Variants in SLCO2B1 observed in about 807,000 individuals in gnomAD.
SLCO2B1 encodes solute carrier organic anion transporter family member 2B1, also known as OATP-RP2.
A neutral mutation model predicts 67.3 loss-of-function variants in SLCO2B1; 41 were observed. That is an observed-to-expected ratio of 0.61 (90% confidence interval 0.47 to 0.79). SLCO2B1 has a LOEUF of 0.79. SLCO2B1 is among the 30% of genes least tolerant of loss of function. The pLI, the probability that SLCO2B1 is intolerant of heterozygous loss-of-function variation, is 0.00. For missense variants in SLCO2B1, 837 were observed against 920.1 expected, an observed-to-expected ratio of 0.91 and a Z score of 1.17; for synonymous variants, 379 against 381.4, an observed-to-expected ratio of 0.99 and a Z score of 0.07.
At chr11:75,159,446 C>T (rs1591808197) in intron 1 of SLCO2B1, among the ~76,000 whole-genome samples, 2 of 152,260 alleles carry the variant, frequency 1.3e-5, no homozygotes, top group East Asian at 1.9e-4. Context: ...GCCGTCCCAT[C>T]CTCCTGTCAG....
intron 4 of SLCO2B1, among the ~76,000 whole-genome samples, chr11:75,167,976 C>A (rs963345820): frequency 6.7e-6 from 1 of 149,790 alleles, no homozygotes; most frequent in African/African-American, 2.4e-5. Context: ...TCACTGCAAC[C>A]CCTGCCTCCC....
chr11:75,204,496 C>A lies in SLCO2B1; in HGVS notation c.2046C>A (p.Thr682=), dbSNP rs761315902. Reference sequence around the variant, plus strand: ...GGCAGCAGGACAAAGAGGCAAGGACCAAAGAGAGCAGATCCAGCCCTGCCG... The same window carrying A: ...GGCAGCAGGACAAAGAGGCAAGGACAAAAGAGAGCAGATCCAGCCCTGCCG... ...VLRQQDKEAR[T]KESRSSPAVE... is the part of the protein sequence containing the mutation. Residue 682 remains threonine, a synonymous_variant, in exon 14 of 14, where the codon ACC becomes ACA. Transcript: ENST00000289575. 60 of 1,613,382 alleles carry A rather than the reference C, an allele frequency of 3.7e-5. No individual in the cohort carries two copies. Among genetic ancestry groups the A allele is most frequent in the South Asian group, 7.7e-5 (7 of 90,904 alleles).
chr11:75,167,875 G>C (rs1030128139), intron 4 of SLCO2B1, among the ~76,000 whole-genome samples: 1 of 150,184 alleles, frequency 6.7e-6, no homozygotes, highest in Non-Finnish European at 1.5e-5. Flanking sequence ...TCCTTATCTG[G>C]AGAACTTTGT....
rs1945062781 is a variant in SLCO2B1 at position 75,193,814 on chromosome 11, A to C, written c.1433+239A>C. Among the ~76,000 whole-genome samples the C allele has an allele frequency of 6.6e-6, 1 of 152,172 alleles. No individual in the cohort carries two copies. Among genetic ancestry groups the C allele is most frequent in the South Asian group, 2.1e-4 (1 of 4,822 alleles). ...TGAGACTTCAGGGGCAGAAACTCTC[A>C]AGCCCAGGAGGGTGTGGAGGCTGAG... is the stretch of plus-strand genomic sequence containing the variant. On this transcript the variant is annotated intron_variant, in intron 9 of 13. Transcript: ENST00000289575. This position sits in a 1 kb window ranked among gnomAD's most constrained non-coding sequence, Gnocchi z 4.2.
At chr11:75,187,928 C>A (rs1389327993) in intron 7 of SLCO2B1, among the ~76,000 whole-genome samples, 1 of 152,184 alleles carries the variant, frequency 6.6e-6, no homozygotes. Flanking sequence ...AGTTTAACCA[C>A]AAGAATTTTA....
At chr11:75,192,484 G>T (rs868541139) in intron 8 of SLCO2B1, among the ~76,000 whole-genome samples, 1 of 152,102 alleles carries the variant, frequency 6.6e-6, no homozygotes, top group East Asian at 1.9e-4. Flanking sequence ...CCTGTGTTTG[G>T]GATGCGAAGG....
intron 1 of SLCO2B1, among the ~76,000 whole-genome samples, chr11:75,154,175 C>T (rs1472775561): frequency 6.6e-6 from 1 of 151,474 alleles, no homozygotes; most frequent in African/African-American, 2.4e-5. Context: ...CCATCTGCCT[C>T]AGCCTCCCAA....
At chr11:75,191,035 G>T (rs1194543603) in intron 8 of SLCO2B1, among the ~76,000 whole-genome samples, 1 of 152,180 alleles carries the variant, frequency 6.6e-6, no homozygotes. Context: ...GGAGAGATGG[G>T]GGATGGCTAC....
chr11:75,154,214 G>A (rs539181164), intron 1 of SLCO2B1, among the ~76,000 whole-genome samples: 7 of 150,182 alleles, frequency 4.7e-5, no homozygotes, highest in Middle Eastern at 3.2e-3. Flanking sequence ...ATGAACCACC[G>A]CGCCTGACCA....
Position 75,203,314 on chromosome 11 carries a change from G to A in SLCO2B1, c.1836G>A (p.Met612Ile), listed in dbSNP as rs1945214171. ...GAGCACCACCTCCCTCAGCCTGGAT[G>A]CCCAGCCCCGTGATCCACGGCAGCG... ...QFMFLRILAW[M>I]PSPVIHGSAI... Residue 612 changes from methionine (M) to isoleucine (I), a missense_variant, in exon 13 of 14, where the codon ATG becomes ATA. Met to Ile is a conservative substitution (Grantham distance 10). Transcript: ENST00000289575. 1.9e-6 allele frequency: 3 copies of A among 1,613,462 alleles called. No individual in the cohort carries two copies. Among genetic ancestry groups the A allele is most frequent in the Non-Finnish European group, 1.7e-6 (2 of 1,179,992 alleles).
chr11:75,182,044 C>A (rs1290552084), intron 7 of SLCO2B1, among the ~76,000 whole-genome samples: 1 of 152,190 alleles, frequency 6.6e-6, no homozygotes, highest in Non-Finnish European at 1.5e-5. Flanking sequence ...CATCTTTTGG[C>A]CCCAGCCCCT....
Position 75,169,314 on chromosome 11 carries a change from C to G in SLCO2B1, c.590C>G (p.Thr197Ser). ...SVVGIMFVAQTLLGVGGVPIQ... is the reference protein window; with the variant it reads ...SVVGIMFVAQSLLGVGGVPIQ... ...GTGGGGATCATGTTCGTGGCACAGA[C>G]CCTGCTGGGCGTGGGCGGGGTGCCC... Residue 197 changes from threonine to serine, a missense_variant, in exon 5 of 14, where the codon ACC becomes AGC. Coordinates refer to ENST00000289575, the MANE Select transcript of SLCO2B1 (RefSeq NM_007256.5). The G allele has an allele frequency of 1.2e-6, 2 of 1,614,160 alleles. No individual in the cohort carries two copies. The highest frequency in any genetic ancestry group is 1.7e-6 in the Non-Finnish European group (2 of 1,180,022).
At chr11:75,169,617 C>A in intron 5 of SLCO2B1, 49 bp from the exon 6 acceptor site, 2 of 1,510,796 alleles carry the variant, frequency 1.3e-6, no homozygotes, top group Non-Finnish European at 9.1e-7. Flanking sequence ...CACTGGTCTG[C>A]AGAGGGAAGC....
chr11:75,166,465 AT>A (rs1355110159), intron 4 of SLCO2B1, among the ~76,000 whole-genome samples: 1 of 152,180 alleles, frequency 6.6e-6, no homozygotes, highest in African/African-American at 2.4e-5. Context: ...GCCCAGTGGG[AT>A]TTTGTTGAGG....
intron 1 of SLCO2B1, among the ~76,000 whole-genome samples, chr11:75,161,689 C>T (rs144143563): frequency 2.4e-3 from 366 of 152,222 alleles, no homozygotes; most frequent in African/African-American, 7.8e-3. Context: ...TGGAGGCTTC[C>T]GGCAGGAAGT....
chr11:75,196,564 G>C lies in SLCO2B1; in HGVS notation c.1484G>C (p.Cys495Ser). The change falls in exon 10 of 14, where the codon TGC becomes TCC. Residue 495 changes from cysteine (C) to serine (S), a missense_variant. By Grantham distance (112) the Cys-to-Ser change is moderately radical. Coordinates refer to ENST00000289575, the MANE Select transcript of SLCO2B1 (RefSeq NM_007256.5). ...CCAAGCTGCATGGAGGCCTGCTCCT[G>C]CCCATTGGACGGCTTTAACCCTGTC... ...LSPSCMEACS[C>S]PLDGFNPVCD... is the part of the protein sequence containing the mutation. 6.2e-7 allele frequency: 1 copy of C among 1,614,146 alleles called. No homozygotes were observed. Among genetic ancestry groups the C allele is most frequent in the Non-Finnish European group, 8.5e-7 (1 of 1,180,038 alleles).
At chr11:75,185,929 T>A (rs1321893577) in intron 7 of SLCO2B1, among the ~76,000 whole-genome samples, 1 of 152,160 alleles carries the variant, frequency 6.6e-6, no homozygotes, top group South Asian at 2.1e-4. Context: ...ATGCTTCTGT[T>A]CTCCAGACAT....
chr11:75,193,256 A>G lies in SLCO2B1; in HGVS notation c.1114A>G (p.Ile372Val), dbSNP rs1464293583. 3 of 1,613,414 alleles carry G rather than the reference A, an allele frequency of 1.9e-6. No homozygotes were observed. In the African/African-American group the frequency reaches 4.0e-5, roughly 22 times the overall value. The change falls in exon 9 of 14, where the codon ATC becomes GTC. Residue 372 changes from isoleucine (I) to valine (V), a missense_variant. Ile to Val is a conservative substitution (Grantham distance 29, BLOSUM62 3). Transcript: ENST00000289575. This position sits in a 1 kb window ranked among gnomAD's most constrained non-coding sequence, Gnocchi z 4.2. The part of the protein sequence containing the change: ...RVLLQTLRHP[I>V]FLLVVLSQVC... The stretch of plus-strand genomic sequence containing the variant: ...GCTGCTGCAGACCCTACGCCACCCC[A>G]TCTTCCTGCTGGTGGTCCTGTCCCA...
At position 75,193,508 on chromosome 11, in the gene SLCO2B1, T is replaced by G; in HGVS notation, c.1366T>G (p.Phe456Val). 1 of 1,601,858 alleles carries G rather than the reference T, an allele frequency of 6.2e-7. No homozygotes were observed. Among genetic ancestry groups the G allele is most frequent in the African/African-American group, 1.3e-5 (1 of 74,782 alleles). Reference protein sequence around the residue: ...CLLGMLLCLFFSLPLFFIGCS... With the variant: ...CLLGMLLCLFVSLPLFFIGCS... ...GCTGGGGATGCTGCTGTGCCTCTTCTTCAGCCTGCCGCTCTTCTTTATCGG... is the reference window on the plus strand; with the variant it reads ...GCTGGGGATGCTGCTGTGCCTCTTCGTCAGCCTGCCGCTCTTCTTTATCGG... Residue 456 changes from phenylalanine to valine, a missense_variant, in exon 9 of 14, where the codon TTC becomes GTC. By Grantham distance (50) the Phe-to-Val change is conservative. Coordinates refer to ENST00000289575, the MANE Select transcript of SLCO2B1 (RefSeq NM_007256.5). The surrounding 1 kb of genome is among the most constrained non-coding windows in gnomAD (Gnocchi z 4.2).
Sources: allele counts gnomAD v4.1 joint callset (sites outside exome capture counted in the v4.1 genomes callset), GRCh38; gene constraint gnomAD v4.1.1; non-coding constraint Gnocchi (gnomAD v3.1); transcripts MANE v1.5; gene names NCBI Gene and HGNC (gene_info 2026-07-23, HGNC 2026-07-21).